Variants in PRORP observed in about 807,000 individuals in gnomAD.
PRORP encodes protein only RNase P catalytic subunit.
Under a neutral mutation model 59.4 loss-of-function variants are expected in PRORP, and 51 were observed. The observed-to-expected ratio is 0.86, with a 90% CI of 0.69 to 1.08. The LOEUF (loss-of-function observed/expected upper bound fraction) is 1.08. Ranked by LOEUF, PRORP falls within the 50% of genes least tolerant of loss-of-function variation. The pLI, the probability that PRORP is intolerant of heterozygous loss-of-function variation, is 0.00. For missense variants in PRORP, 646 were observed against 690.3 expected (o/e 0.94, Z 0.72); for synonymous variants, 231 against 245.6 (o/e 0.94, Z 0.55).
At chr14:35,235,331 A>C in intron 5 of PRORP, 2 of 700,786 alleles carry the variant, frequency 2.9e-6, no homozygotes, top group Non-Finnish European at 5.3e-6. Context: ...CAGCTTAGCC[A>C]AAGTGTCTTT....
intron 4 of PRORP, among the ~76,000 whole-genome samples, chr14:35,139,904 G>A (rs1377560466): frequency 6.9e-6 from 1 of 145,626 alleles, no homozygotes; most frequent in Non-Finnish European, 1.5e-5. Flanking sequence ...CCAGATCCTG[G>A]CAATTGATGG....
chr14:35,174,041 G>T (rs373995356), intron 4 of PRORP, among the ~76,000 whole-genome samples: 232 of 152,164 alleles, frequency 1.5e-3, no homozygotes, highest in East Asian at 0.011. Flanking sequence ...ACAGCCAGAT[G>T]AAAGCTGTAT....
At chr14:35,211,131 A>G (rs901866697) in intron 5 of PRORP, among the ~76,000 whole-genome samples, 2 of 152,116 alleles carry the variant, frequency 1.3e-5, no homozygotes, top group Non-Finnish European at 2.9e-5. Context: ...ATCCTATTAC[A>G]TCATAATGAA....
intron 5 of PRORP, among the ~76,000 whole-genome samples, chr14:35,196,277 C>T (rs1314444450): frequency 6.6e-6 from 1 of 152,152 alleles, no homozygotes; most frequent in Non-Finnish European, 1.5e-5. Context: ...GAGTTAGAGA[C>T]CGGCCTGGGC....
At chr14:35,190,002 G>A (rs764993714) in intron 5 of PRORP, among the ~76,000 whole-genome samples, 15 of 151,862 alleles carry the variant, frequency 9.9e-5, no homozygotes, top group Non-Finnish European at 1.8e-4. Flanking sequence ...TCAGCTACTC[G>A]GGAGGCTGAG....
intron 4 of PRORP, among the ~76,000 whole-genome samples, chr14:35,157,254 C>T (rs2047940033): frequency 1.3e-5 from 2 of 151,926 alleles, no homozygotes; most frequent in Admixed American, 1.3e-4. Flanking sequence ...CGCGCCCGGA[C>T]GTTCATTTTT....
chr14:35,145,721 A>AAAAG (rs1240942513), intron 4 of PRORP, among the ~76,000 whole-genome samples: 1 of 112,512 alleles, frequency 8.9e-6, no homozygotes, highest in Admixed American at 8.9e-5. Context: ...TCCATCTCAA[A>AAAAG]AAAGAAAGAA....
chr14:35,181,599 A>G (rs937760377), intron 5 of PRORP, among the ~76,000 whole-genome samples: 1 of 152,132 alleles, frequency 6.6e-6, no homozygotes, highest in Admixed American at 6.6e-5. Flanking sequence ...AGCCTGGCTA[A>G]CATGGTGAAA....
At chr14:35,179,836 T>C (rs2048554404) in intron 4 of PRORP, among the ~76,000 whole-genome samples, 2 of 152,216 alleles carry the variant, frequency 1.3e-5, no homozygotes, top group African/African-American at 4.8e-5. Context: ...TCAGCTTCTC[T>C]GCTCTGTTTT....
chr14:35,180,006 C>A (rs1484309939), intron 4 of PRORP, among the ~76,000 whole-genome samples: 1 of 152,212 alleles, frequency 6.6e-6, no homozygotes, highest in East Asian at 1.9e-4. Context: ...CCACTCCAGA[C>A]CCTGTTTGCC....
At chr14:35,270,255 G>A (rs957915982) in intron 6 of PRORP, 146 bp from the exon 7 acceptor site, 2 of 676,770 alleles carry the variant, frequency 3.0e-6, no homozygotes, top group African/African-American at 1.8e-5. Context: ...TAAGGACTTT[G>A]AGGTGGTTCT....
intron 5 of PRORP, among the ~76,000 whole-genome samples, chr14:35,181,670 A>C (rs1306376453): frequency 1.3e-5 from 2 of 151,644 alleles, no homozygotes; most frequent in African/African-American, 4.8e-5. Flanking sequence ...CTGTAATCCC[A>C]GCTACTCGGG....
intron 3 of PRORP, 111 bp downstream of exon 3, chr14:35,126,893 G>A (rs2047111966): frequency 1.3e-6 from 1 of 759,678 alleles, no homozygotes; most frequent in Non-Finnish European, 2.2e-6. Flanking sequence ...TTACAAGTTT[G>A]TAATTAGAGT....
At chr14:35,271,917 G>A (rs187243347) in intron 7 of PRORP, among the ~76,000 whole-genome samples, 39 of 152,136 alleles carry the variant, frequency 2.6e-4, no homozygotes, top group Admixed American at 8.5e-4. Flanking sequence ...TCCCAGCTAC[G>A]TGGGAGGCTA....
At chr14:35,267,017 A>C in intron 6 of PRORP, 142 bp downstream of exon 6, 1 of 794,250 alleles carries the variant, frequency 1.3e-6, no homozygotes, top group Non-Finnish European at 1.8e-6. Flanking sequence ...ATTTGAGACA[A>C]CTTACAAAAC....
intron 5 of PRORP, among the ~76,000 whole-genome samples, chr14:35,250,696 G>A (rs35279146): frequency 0.021 from 3,147 of 152,226 alleles, 60 homozygotes; most frequent in Non-Finnish European, 0.029. Flanking sequence ...GCACTGACAC[G>A]TGGCCTCCCT....
At chr14:35,229,094 T>C (rs2050008982) in intron 5 of PRORP, among the ~76,000 whole-genome samples, 1 of 152,248 alleles carries the variant, frequency 6.6e-6, no homozygotes, top group Non-Finnish European at 1.5e-5. Flanking sequence ...ATGTCTTCTT[T>C]TGAGAAGTGT....
chr14:35,263,450 G>A (rs1594355824), intron 5 of PRORP, among the ~76,000 whole-genome samples: 1 of 152,316 alleles, frequency 6.6e-6, no homozygotes, highest in East Asian at 1.9e-4. Context: ...ACTTTGCTAG[G>A]CTGAGGTGGG....
At chr14:35,199,763 G>GA (rs2049101006) in intron 5 of PRORP, among the ~76,000 whole-genome samples, 1 of 152,134 alleles carries the variant, frequency 6.6e-6, no homozygotes, top group South Asian at 2.1e-4. Context: ...TCTTTAATGT[G>GA]AAAAAAGAAG....
Sources: allele counts gnomAD v4.1 joint callset (sites outside exome capture counted in the v4.1 genomes callset), GRCh38; gene constraint gnomAD v4.1.1; transcripts MANE v1.5; gene names NCBI Gene and HGNC (gene_info 2026-07-23, HGNC 2026-07-21).